KCNN2: variants seen among roughly 807,000 people sequenced by gnomAD.
KCNN2 encodes small conductance calcium-activated potassium channel protein 2.
KCNN2 carries 24 observed loss-of-function variants against 55.5 expected under a neutral mutation model. The ratio of observed to expected loss-of-function variants is 0.43; its 90% CI spans 0.31 to 0.61. The LOEUF is 0.61. KCNN2 is among the 20% of genes least tolerant of loss of function. KCNN2 has a pLI of 0.08. For missense variants in KCNN2, 754 were observed against 853.6 expected (o/e 0.88, Z 1.45); for synonymous variants, 431 against 336.1 (o/e 1.28, Z -3.09).
At chr5:114,215,399 A>G (rs1315897911) in intron 1 of KCNN2, among the ~76,000 whole-genome samples, 1 of 152,112 alleles carries the variant, frequency 6.6e-6, no homozygotes, top group Non-Finnish European at 1.5e-5. Context: ...ATAACAAAGG[A>G]GAGTTACTTT....
intron 1 of KCNN2, among the ~76,000 whole-genome samples, chr5:114,135,262 G>C (rs149467326): frequency 3.3e-5 from 5 of 152,246 alleles, no homozygotes; most frequent in African/African-American, 1.2e-4. Context: ...TGGACGCAAG[G>C]CTCTTAAGGA....
At chr5:114,074,957 G>T (rs896255660) in intron 1 of KCNN2, among the ~76,000 whole-genome samples, 1 of 152,278 alleles carries the variant, frequency 6.6e-6, no homozygotes, top group South Asian at 2.1e-4. Flanking sequence ...AAAGTTATGG[G>T]TGTACATCCT....
At chr5:114,457,619 A>C (rs1354330341) in intron 3 of KCNN2, among the ~76,000 whole-genome samples, 1 of 152,140 alleles carries the variant, frequency 6.6e-6, no homozygotes, top group African/African-American at 2.4e-5. Context: ...CACTTCACAT[A>C]GATGAGTTTT....
chr5:114,409,427 T>TC (rs974558445), intron 3 of KCNN2, among the ~76,000 whole-genome samples: 3 of 152,152 alleles, frequency 2.0e-5, no homozygotes, highest in African/African-American at 7.2e-5. Context: ...CCCTTTTTTT[T>TC]CCCCTCTTAT....
intron 1 of KCNN2, among the ~76,000 whole-genome samples, chr5:114,189,510 C>G (rs181606894): frequency 1.1e-3 from 162 of 152,276 alleles, no homozygotes; most frequent in Non-Finnish European, 1.9e-3. Flanking sequence ...CATACCCTGT[C>G]AAACAGAATA....
chr5:114,219,275 C>T (rs1345033602), intron 1 of KCNN2, among the ~76,000 whole-genome samples: 3 of 152,198 alleles, frequency 2.0e-5, no homozygotes, highest in Non-Finnish European at 2.9e-5. Context: ...GGTGGCTGCC[C>T]TCCGCCAGCA....
chr5:114,072,378 G>C (rs1281124728), intron 1 of KCNN2, among the ~76,000 whole-genome samples: 1 of 151,758 alleles, frequency 6.6e-6, no homozygotes, highest in Non-Finnish European at 1.5e-5. Flanking sequence ...GAAGTGCAAA[G>C]ACCCCTGCCA....
At chr5:114,203,417 AT>A (rs139103895) in intron 1 of KCNN2, among the ~76,000 whole-genome samples, 7,189 of 151,904 alleles carry the variant, frequency 0.047, 579 homozygotes, top group African/African-American at 0.16. Flanking sequence ...GAAAATCTTC[AT>A]TTTTTTTAGA....
chr5:114,439,092 A>G (rs556500236), intron 3 of KCNN2, among the ~76,000 whole-genome samples: 5 of 152,200 alleles, frequency 3.3e-5, no homozygotes, highest in Non-Finnish European at 7.3e-5. Context: ...AAAATGATAG[A>G]CTTGATATTC....
intron 1 of KCNN2, among the ~76,000 whole-genome samples, chr5:114,164,366 A>G (rs548515089): frequency 6.6e-6 from 1 of 152,154 alleles, no homozygotes; most frequent in African/African-American, 2.4e-5. Flanking sequence ...ACCAGTTTTG[A>G]TTTAGCTTTC....
rs751102696 is a variant in KCNN2 at position 114,320,740 on chromosome 5, T to G, written c.-184-40205T>G. Among the ~76,000 whole-genome samples, 7 of 152,324 alleles carry G rather than the reference T, an allele frequency of 4.6e-5. No individual in the cohort carries two copies. In the South Asian group the frequency reaches 1.5e-3, roughly 32 times the overall value. ...ATGGTTTGTTCCTCTCCATCCTTCA[T>G]GTATCTTCTTCTCCATTCATTCCAG... is the stretch of plus-strand genomic sequence containing the variant. On this transcript the variant is annotated intron_variant, in intron 2 of 10. Transcript: ENST00000512097.
At chr5:114,456,360 T>G (rs1378837917) in intron 3 of KCNN2, among the ~76,000 whole-genome samples, 4 of 152,186 alleles carry the variant, frequency 2.6e-5, no homozygotes, top group Non-Finnish European at 5.9e-5. Context: ...TTACTGAATA[T>G]TTTAAGCCAC....
intron 2 of KCNN2, among the ~76,000 whole-genome samples, chr5:114,279,330 T>G (rs906100311): frequency 1.3e-5 from 2 of 152,086 alleles, no homozygotes; most frequent in Admixed American, 6.6e-5. Flanking sequence ...ACTTTAAGTT[T>G]TAGGGTACAT....
chr5:114,491,336 A>C (rs985544607), intron 6 of KCNN2, among the ~76,000 whole-genome samples: 17 of 152,136 alleles, frequency 1.1e-4, no homozygotes, highest in Admixed American at 2.0e-4. Flanking sequence ...TTTGAACATG[A>C]AACTTTATAC....
At chr5:114,265,029 A>C (rs1755182285) in intron 2 of KCNN2, among the ~76,000 whole-genome samples, 1 of 152,170 alleles carries the variant, frequency 6.6e-6, no homozygotes, top group Admixed American at 6.5e-5. Flanking sequence ...GTGACTTTTA[A>C]ATAGAGATTG....
At chr5:114,328,345 T>A (rs192471516) in intron 2 of KCNN2, among the ~76,000 whole-genome samples, 18 of 152,166 alleles carry the variant, frequency 1.2e-4, no homozygotes, top group Admixed American at 2.0e-4. Context: ...AAGGAATAGA[T>A]TTAACTGAGG....
At chr5:114,218,785 T>C (rs2112589986) in intron 1 of KCNN2, among the ~76,000 whole-genome samples, 1 of 152,330 alleles carries the variant, frequency 6.6e-6, no homozygotes, top group South Asian at 2.1e-4. Context: ...TATACCACTC[T>C]TGTGTGGGAT....
At chr5:114,160,629 G>A (rs1209750731) in intron 1 of KCNN2, among the ~76,000 whole-genome samples, 3 of 152,022 alleles carry the variant, frequency 2.0e-5, no homozygotes, top group Admixed American at 1.3e-4. Context: ...TTATTATTGT[G>A]TGGGAGTCTA....
chr5:114,256,137 T>A (rs143121386), intron 2 of KCNN2, among the ~76,000 whole-genome samples: 93 of 152,296 alleles, frequency 6.1e-4, no homozygotes, highest in Middle Eastern at 3.4e-3. Flanking sequence ...CTTAAGATAA[T>A]CATCTACAGT....
Sources: gnomAD v4.1 joint callset for allele counts (sites outside exome capture counted in the v4.1 genomes callset) on GRCh38, gnomAD v4.1.1 for gene constraint, MANE v1.5 for transcripts, NCBI Gene and HGNC (gene_info 2026-07-23, HGNC 2026-07-21) for gene names.